AJAP1: variants seen among roughly 807,000 people sequenced by gnomAD.
AJAP1 encodes adherens junctions associated protein 1.
In AJAP1, 5 loss-of-function variants were observed where a neutral mutation model predicts 35.0. The observed-to-expected ratio is 0.14, with a 90% confidence interval of 0.07 to 0.30. The LOEUF (loss-of-function observed/expected upper bound fraction) is 0.30, where lower values mean the gene tolerates loss of function less well. AJAP1 is among the 10% of genes least tolerant of loss of function. The pLI, the probability that AJAP1 is intolerant of heterozygous loss-of-function variation, is 1.00. For synonymous variants in AJAP1, 284 were observed against 249.3 expected (o/e 1.14, Z -1.31); for missense variants, 586 against 571.0 (o/e 1.03, Z -0.27).
intron 1 of AJAP1, among the ~76,000 whole-genome samples, chr1:4,666,381 G>T (rs891432968): frequency 1.3e-5 from 2 of 152,198 alleles, no homozygotes; most frequent in African/African-American, 4.8e-5. Flanking sequence ...CAGGCCCCAG[G>T]ACTGGAGCCA....
chr1:4,781,402 C>T (rs901143978), intron 5 of AJAP1, among the ~76,000 whole-genome samples: 24 of 152,222 alleles, frequency 1.6e-4, no homozygotes, highest in Admixed American at 6.5e-4. Flanking sequence ...TTCCAGGTCT[C>T]CAGAGGTGGG....
rs553210535 is a variant in AJAP1 at position 4,727,126 on chromosome 1, C to T, written c.829+14427C>T. ...GTGAGTCATCAGCTCGGAGCTGGGG[C>T]GCACACAGCTCTCACTGTGCCAGGC... On this transcript the variant is annotated intron_variant, in intron 2 of 5. Transcript: ENST00000378191. Among the ~76,000 whole-genome samples the T allele has an allele frequency of 1.1e-4, 17 of 152,342 alleles. No homozygotes were observed. In the South Asian group the frequency reaches 3.1e-3, roughly 28 times the overall value.
chr1:4,704,133 C>G (rs925333957), intron 1 of AJAP1, among the ~76,000 whole-genome samples: 2 of 151,372 alleles, frequency 1.3e-5, no homozygotes, highest in Non-Finnish European at 2.9e-5. Context: ...TCCCTCCTGT[C>G]TGTTCCAGCT....
chr1:4,772,580 C>T (rs1414549730), intron 4 of AJAP1, 55 bp downstream of exon 4: 8 of 1,593,382 alleles, frequency 5.0e-6, no homozygotes, highest in East Asian at 2.2e-5. Context: ...TGCTCCTGAC[C>T]CCCGGGGGCC....
At chr1:4,755,141 A>G (rs1336697846) in intron 2 of AJAP1, among the ~76,000 whole-genome samples, 1 of 152,216 alleles carries the variant, frequency 6.6e-6, no homozygotes, top group Non-Finnish European at 1.5e-5. Context: ...TGACTGTCCA[A>G]GAGCAACAGG....
intron 1 of AJAP1, among the ~76,000 whole-genome samples, chr1:4,682,844 ATGATGGTGATGGTGGTGATGGTGATTG>A (rs1639514670): frequency 6.6e-6 from 1 of 152,022 alleles, no homozygotes; most frequent in Non-Finnish European, 1.5e-5. Context: ...GGTGATGGTG[ATGATGGTGATGGTGGTGATGGTGATTG>A]TGATGATGAT....
intron 2 of AJAP1, among the ~76,000 whole-genome samples, chr1:4,748,455 A>C (rs1641243772): frequency 6.6e-6 from 1 of 152,204 alleles, no homozygotes; most frequent in South Asian, 2.1e-4. Flanking sequence ...TCAAAAATGG[A>C]ACAGGGCTCT....
intron 2 of AJAP1, among the ~76,000 whole-genome samples, chr1:4,763,404 T>A (rs1187895222): frequency 2.0e-5 from 3 of 152,210 alleles, no homozygotes; most frequent in African/African-American, 7.2e-5. Flanking sequence ...CCGGAAGGAC[T>A]TCCGACGAGA....
intron 2 of AJAP1, among the ~76,000 whole-genome samples, chr1:4,725,494 C>T (rs1017240879): frequency 7.9e-5 from 12 of 152,158 alleles, no homozygotes; most frequent in Non-Finnish European, 1.8e-4. Context: ...GGTAGACTCC[C>T]TGTTCACACC....
At position 4,712,668 on chromosome 1, in the gene AJAP1, C is replaced by T. The variant is rs1640291412; in HGVS notation, c.798C>T (p.Thr266=). 1 of 1,520,480 alleles carries T rather than the reference C, an allele frequency of 6.6e-7. No homozygotes were observed. Among genetic ancestry groups the T allele is most frequent in the Admixed American group, 2.0e-5 (1 of 48,880 alleles). 94.2% of individuals were successfully genotyped at this position (1,520,480 alleles called of 1,614,324 possible). A position where few individuals can be genotyped will look rare whatever the true frequency, so the allele number is the denominator to read the frequency against. ...GTCCCAGCAACAACGGGGAAGTCAC[C>T]CAGCCCCCAAGGATTCTGGGGGAGG... is the stretch of plus-strand genomic sequence containing the variant. ...STSPSNNGEV[T]QPPRILGEAS... Residue 266 remains threonine (T), a synonymous_variant, in exon 2 of 6, where the codon ACC becomes ACT. Transcript: ENST00000378191.
At position 4,676,000 on chromosome 1, in the gene AJAP1, C is replaced by T. The variant is rs539119111; in HGVS notation, c.29+20546C>T. ...GGACGCCCACGTTTAGGAGGAAGCC[C>T]GTCTTGTGGGCTCCCAGCTCTGTGT... On this transcript the variant is annotated intron_variant, in intron 1 of 5. Transcript: ENST00000378191. Among the ~76,000 whole-genome samples, 14 of 152,318 alleles carry T rather than the reference C, an allele frequency of 9.2e-5. No individual in the cohort carries two copies. The South Asian group carries it at 1.9e-3, about 20-fold the overall frequency.
rs781175711 is a variant in AJAP1 at position 4,772,486 on chromosome 1, C to T, written c.1124C>T (p.Ser375Leu). ...GTGTACACCGATGAGACGCTGCACT[C>T]GACGACGGGGGAGTACAAATCCACA... ...VPVYTDETLH[S>L]TTGEYKSTFN... The change falls in exon 4 of 6, where the codon TCG becomes TTG. Residue 375 changes from serine to leucine, a missense_variant. Physicochemically the swap from Ser to Leu is moderately radical, Grantham distance 145. Coordinates refer to ENST00000378191, the MANE Select transcript of AJAP1 (RefSeq NM_018836.4). 26 of 1,614,098 alleles carry T rather than the reference C, an allele frequency of 1.6e-5. No individual in the cohort carries two copies. Among genetic ancestry groups the T allele is most frequent in the South Asian group, 1.4e-4 (13 of 91,086 alleles).
chr1:4,727,871 G>A (rs760783326), intron 2 of AJAP1, among the ~76,000 whole-genome samples: 1 of 152,234 alleles, frequency 6.6e-6, no homozygotes, highest in Non-Finnish European at 1.5e-5. Context: ...TCCTTCAGCC[G>A]ATCCTGCCAA....
Position 4,772,438 on chromosome 1 carries a change from A to T in AJAP1, c.1076A>T (p.Glu359Val). Reference protein sequence around the residue: ...AYNETLQCSHECVRASVPVYT... With the variant: ...AYNETLQCSHVCVRASVPVYT... ...AACGAGACCCTGCAGTGTTCTCACG[A>T]GTGCGTCAGGGCATCTGTGCCCGTG... The change falls in exon 4 of 6, where the codon GAG (glutamate) becomes GTG (valine). Residue 359 changes from glutamate (E) to valine (V), a missense_variant. Glu to Val is a moderately radical substitution (Grantham distance 121). Transcript: ENST00000378191. 1 of 1,614,234 alleles carries T rather than the reference A, an allele frequency of 6.2e-7. No homozygotes were observed. Among genetic ancestry groups the T allele is most frequent in the Non-Finnish European group, 8.5e-7 (1 of 1,180,044 alleles).
At chr1:4,703,045 C>T (rs780708145) in intron 1 of AJAP1, among the ~76,000 whole-genome samples, 7 of 152,092 alleles carry the variant, frequency 4.6e-5, no homozygotes, top group Non-Finnish European at 1.0e-4. Flanking sequence ...ATCGCATGCG[C>T]GCTGGACGTG....
intron 2 of AJAP1, among the ~76,000 whole-genome samples, chr1:4,764,217 G>A (rs755725772): frequency 4.0e-4 from 61 of 152,122 alleles, no homozygotes; most frequent in Non-Finnish European, 7.2e-4. Context: ...GAACCCTGAC[G>A]AATACATTCA....
In AJAP1 at chr1:4,720,168, G is replaced by T. The variant is rs1640485532; in HGVS notation, c.829+7469G>T. ...ACTGACACTCAGTCCCGGAGACTCA[G>T]CCAAATTCAGAGGCAGACGAACGAG... On this transcript the variant is annotated intron_variant, in intron 2 of 5. Transcript: ENST00000378191. This position sits in a 1 kb window ranked among gnomAD's most constrained non-coding sequence, Gnocchi z 4.4. Among the ~76,000 whole-genome samples the T allele has an allele frequency of 1.3e-5, 2 of 152,188 alleles. No homozygotes were observed. The highest frequency in any genetic ancestry group is 6.5e-5 in the Admixed American group (1 of 15,274).
intron 2 of AJAP1, among the ~76,000 whole-genome samples, chr1:4,749,047 G>T (rs1641262185): frequency 6.6e-6 from 1 of 152,186 alleles, no homozygotes; most frequent in Non-Finnish European, 1.5e-5. Context: ...GGTGGACACG[G>T]TTCAACCAGC....
Position 4,734,925 on chromosome 1 carries a change from A to G in AJAP1, c.829+22226A>G, listed in dbSNP as rs1337037571. On this transcript the variant is annotated intron_variant, in intron 2 of 5. Coordinates refer to ENST00000378191, the MANE Select transcript of AJAP1 (RefSeq NM_018836.4). This position sits in a 1 kb window ranked among gnomAD's most constrained non-coding sequence, Gnocchi z 4.3. ...TTTCTGTCCACCGGCACAGATGGCA[A>G]TGTTGTTTCTCGACTCCTCCGTCCA... is the stretch of plus-strand genomic sequence containing the variant. 2.6e-5 allele frequency among the ~76,000 whole-genome samples: 4 copies of G among 152,140 alleles called. No individual in the cohort carries two copies. The highest frequency in any genetic ancestry group is 7.2e-5 in the African/African-American group (3 of 41,436).
Sources: allele counts gnomAD v4.1 joint callset (sites outside exome capture counted in the v4.1 genomes callset), GRCh38; gene constraint gnomAD v4.1.1; non-coding constraint Gnocchi (gnomAD v3.1); transcripts MANE v1.5; gene names NCBI Gene and HGNC (gene_info 2026-07-23, HGNC 2026-07-21).